FAM13C: variants seen among roughly 807,000 people sequenced by gnomAD.
The protein encoded by FAM13C is family with sequence similarity 13 member C.
FAM13C carries 37 observed loss-of-function variants against 73.2 expected under a neutral mutation model. The ratio of observed to expected loss-of-function variants is 0.51; its 90% CI spans 0.39 to 0.67. The LOEUF (loss-of-function observed/expected upper bound fraction) is 0.67, where lower values mean the gene tolerates loss of function less well. Ranked by LOEUF, FAM13C falls within the 30% of genes least tolerant of loss-of-function variation. The pLI, the probability that FAM13C is intolerant of heterozygous loss-of-function variation, is 0.00. For missense variants in FAM13C, 589 were observed against 715.6 expected, an observed-to-expected ratio of 0.82 and a Z score of 2.02; for synonymous variants, 246 against 260.9, an observed-to-expected ratio of 0.94 and a Z score of 0.55.
chr10:59,353,038 T>C (rs284607), intron 2 of FAM13C, among the ~76,000 whole-genome samples: 143,689 of 152,294 alleles, frequency 0.94, 68,082 homozygotes, highest in Middle Eastern at 1. Flanking sequence ...AGGATCTATT[T>C]TGATAGGCAT....
chr10:59,258,669 C>A (rs188940762), intron 10 of FAM13C, among the ~76,000 whole-genome samples: 127 of 152,062 alleles, frequency 8.4e-4, no homozygotes, highest in African/African-American at 3.0e-3. Context: ...TATATATTTT[C>A]TTTTTGAACT....
At chr10:59,339,917 G>A (rs1277481440) in intron 3 of FAM13C, among the ~76,000 whole-genome samples, 1 of 152,176 alleles carries the variant, frequency 6.6e-6, no homozygotes, top group Non-Finnish European at 1.5e-5. Flanking sequence ...GTGTGTTGAA[G>A]ATAGGCTTTT....
chr10:59,308,563 CA>C (rs1266239816), intron 4 of FAM13C, among the ~76,000 whole-genome samples: 2 of 121,528 alleles, frequency 1.6e-5, no homozygotes, highest in Non-Finnish European at 3.7e-5. Flanking sequence ...CCAGCACCAC[CA>C]ACCACCATCA....
At chr10:59,307,416 G>A (rs1046066515) in intron 4 of FAM13C, among the ~76,000 whole-genome samples, 1 of 152,144 alleles carries the variant, frequency 6.6e-6, no homozygotes, top group African/African-American at 2.4e-5. Context: ...CAATTCACCA[G>A]CCCTTACTAC....
intron 5 of FAM13C, among the ~76,000 whole-genome samples, chr10:59,295,563 A>G (rs1325300893): frequency 6.6e-6 from 1 of 152,216 alleles, no homozygotes; most frequent in Non-Finnish European, 1.5e-5. Flanking sequence ...CCTCCAGATA[A>G]GAAACTACCC....
intron 1 of FAM13C, among the ~76,000 whole-genome samples, chr10:59,359,934 G>A (rs11006450): frequency 0.099 from 15,092 of 152,254 alleles, 1,110 homozygotes; most frequent in African/African-American, 0.21. Context: ...GCAATGTCAC[G>A]ATTGACCATG....
At chr10:59,269,622 T>C (rs1024363966) in intron 7 of FAM13C, among the ~76,000 whole-genome samples, 4 of 152,192 alleles carry the variant, frequency 2.6e-5, no homozygotes, top group African/African-American at 9.6e-5. Context: ...CATGTACATA[T>C]ACTTACTTAA....
rs1850255076 is a variant in FAM13C at position 59,321,431 on chromosome 10, C to CTTTTTTTTTT, written c.443+2556_443+2557insAAAAAAAAAA. ...AGAAAGGAATGGAGCCCTGCCAACACCTTTTTTTTTTTTTTTTTTTTTTTT... is the reference window on the plus strand; with the variant it reads ...AGAAAGGAATGGAGCCCTGCCAACACTTTTTTTTTTCTTTTTTTTTTTTTTTTTTTTTTTT... On this transcript the variant is annotated intron_variant, in intron 4 of 13. Transcript: ENST00000618804. 1.8e-5 allele frequency among the ~76,000 whole-genome samples: 2 copies of CTTTTTTTTTT among 109,856 alleles called. 1 individual carries two copies. 72.1% of individuals were successfully genotyped at this position (109,856 alleles called of 152,430 possible). A position where few individuals can be genotyped will look rare whatever the true frequency, so the allele number is the denominator to read the frequency against.
intron 5 of FAM13C, among the ~76,000 whole-genome samples, chr10:59,293,860 TGAAA>T (rs1321105014): frequency 6.6e-6 from 1 of 152,208 alleles, no homozygotes; most frequent in Non-Finnish European, 1.5e-5. Flanking sequence ...TAAATCCTGT[TGAAA>T]GAAAGAATTA....
At chr10:59,321,326 G>C (rs987060149) in intron 4 of FAM13C, among the ~76,000 whole-genome samples, 4 of 151,892 alleles carry the variant, frequency 2.6e-5, no homozygotes, top group Admixed American at 6.6e-5. Flanking sequence ...TGGAGGAAGG[G>C]ACCATAAGCC....
intron 2 of FAM13C, among the ~76,000 whole-genome samples, chr10:59,354,721 G>A (rs1008878086): frequency 1.3e-5 from 2 of 152,140 alleles, no homozygotes; most frequent in Non-Finnish European, 2.9e-5. Flanking sequence ...GAGAGAGAGA[G>A]TTCTTTTTGG....
intron 5 of FAM13C, among the ~76,000 whole-genome samples, chr10:59,292,604 T>A (rs1846389673): frequency 6.6e-6 from 1 of 152,240 alleles, no homozygotes; most frequent in South Asian, 2.1e-4. Flanking sequence ...AATTATAAAA[T>A]CACATGCCAT....
chr10:59,325,322 C>T (rs1999668), intron 3 of FAM13C, among the ~76,000 whole-genome samples: 77,982 of 151,998 alleles, frequency 0.51, 22,334 homozygotes, highest in Non-Finnish European at 0.63. Flanking sequence ...AAGAAGTCAT[C>T]ATCACAAGCC....
chr10:59,263,964 TA>T, intron 9 of FAM13C, 120 bp downstream of exon 9: 1 of 889,528 alleles, frequency 1.1e-6, no homozygotes, highest in Non-Finnish European at 1.9e-6. Flanking sequence ...AGTTACAGTC[TA>T]AGCAGAAAAC....
rs569408174 is a variant in FAM13C, at chr10:59,330,461, A to C, written c.325-6355T>G. Among the ~76,000 whole-genome samples, 3 of 152,324 alleles carry C rather than the reference A, an allele frequency of 2.0e-5. No individual in the cohort carries two copies. In the South Asian group the frequency reaches 6.2e-4, roughly 32 times the overall value. On this transcript the variant is annotated intron_variant, in intron 3 of 13. Transcript: ENST00000618804. ...ATACACAAGAGTAAAAAAGAGAGTCATGAGGCATGCGAGTTTTCACTAGTA... is the reference window on the plus strand; with the variant it reads ...ATACACAAGAGTAAAAAAGAGAGTCCTGAGGCATGCGAGTTTTCACTAGTA...
chr10:59,343,243 T>G (rs1477691151), intron 3 of FAM13C, among the ~76,000 whole-genome samples: 1 of 152,346 alleles, frequency 6.6e-6, no homozygotes, highest in East Asian at 1.9e-4. Context: ...AGCAGGTGTT[T>G]CACTGAAGGG....
At chr10:59,307,758 C>A (rs1057478751) in intron 4 of FAM13C, among the ~76,000 whole-genome samples, 2 of 152,150 alleles carry the variant, frequency 1.3e-5, no homozygotes, top group African/African-American at 4.8e-5. Flanking sequence ...GCAAGAAGAA[C>A]AGGACATGCA....
At chr10:59,356,696 A>T (rs1414933567) in intron 1 of FAM13C, among the ~76,000 whole-genome samples, 1 of 152,124 alleles carries the variant, frequency 6.6e-6, no homozygotes, top group East Asian at 1.9e-4. Context: ...GTTCTCAGTC[A>T]TGTGCTATGA....
rs1008917387 is a variant in FAM13C at position 59,352,168 on chromosome 10, C to A, written c.324+102G>T. On this transcript the variant is annotated intron_variant, in intron 3 of 13. Transcript: ENST00000618804. ...GCACGCAATGACAAGTCGTGCCAAT[C>A]CCCTCCCGCAAAACAGTGCGCTCAA... 2.9e-5 allele frequency: 39 copies of A among 1,326,166 alleles called. No individual in the cohort carries two copies. The African/African-American group carries it at 5.2e-4, about 18-fold the overall frequency. 82.1% of individuals were successfully genotyped at this position (1,326,166 alleles called of 1,614,324 possible).
Sources: gnomAD v4.1 joint callset for allele counts (sites outside exome capture counted in the v4.1 genomes callset) on GRCh38, gnomAD v4.1.1 for gene constraint, MANE v1.5 for transcripts, NCBI Gene and HGNC (gene_info 2026-07-23, HGNC 2026-07-21) for gene names.